The following LBR variants were observed in gnomAD, a reference collection of about 807,000 sequenced individuals.
LBR encodes the protein delta(14)-sterol reductase LBR.
Under a neutral mutation model 74.3 loss-of-function variants are expected in LBR, and 28 were observed. That is an observed-to-expected ratio of 0.38 (90% CI 0.28 to 0.52). LBR has a LOEUF of 0.52. Among genes scored for constraint, LBR ranks in the 20% least tolerant of loss-of-function variants. The pLI is 0.89. For synonymous variants in LBR, 228 were observed against 269.3 expected, an observed-to-expected ratio of 0.85 and a Z score of 1.50; for missense variants, 717 against 760.3, an observed-to-expected ratio of 0.94 and a Z score of 0.67.
At chr1:225,428,520 T>C (rs957090606), upstream of LBR, among the ~76,000 whole-genome samples, 1 of 152,098 alleles carries the variant, frequency 6.6e-6, no homozygotes, top group African/African-American at 2.4e-5. Context: ...GGTAAAACAC[T>C]ATGAGTGCCC....
chr1:225,404,206 A>C (rs1252238650), intron 13 of LBR, among the ~76,000 whole-genome samples, 198 bp downstream of exon 13: 1 of 152,172 alleles, frequency 6.6e-6, no homozygotes, highest in African/African-American at 2.4e-5. Context: ...TTTAGGCTTA[A>C]AGTAAAACTT....
chr1:225,419,398 G>A lies in LBR; in HGVS notation c.505C>T (p.Arg169Cys), dbSNP rs2230420. The A allele has an allele frequency of 6.9e-5, 112 of 1,613,682 alleles. No homozygotes were observed. The highest frequency in any genetic ancestry group is 4.7e-4 in the East Asian group (21 of 44,888). Residue 169 changes from arginine to cysteine, a missense_variant, in exon 5 of 14, where the codon CGT (arginine) becomes TGT (cysteine). Coordinates refer to ENST00000272163, the MANE Select transcript of LBR (RefSeq NM_002296.4). ...AATTTGACTTCTTCTCTTCTTGGAC[G>A]AAGGCTATACTGTGTTGCTATGTAA... ...SSYIATQYSL[R>C]PRREEVKLKE...
chr1:225,410,235 C>A, intron 10 of LBR, 56 bp downstream of exon 10: 1 of 1,610,232 alleles, frequency 6.2e-7, no homozygotes, highest in South Asian at 1.1e-5. Flanking sequence ...TCTGACAGGT[C>A]ACTCACCCAC....
At chr1:225,422,035 A>G in intron 3 of LBR, 42 bp downstream of exon 3, 1 of 1,567,840 alleles carries the variant, frequency 6.4e-7, no homozygotes, top group East Asian at 2.2e-5. Context: ...ATATATACAT[A>G]AAGCGGAAGA....
At chr1:225,409,354 C>A (rs777149496) in intron 10 of LBR, among the ~76,000 whole-genome samples, 1 of 152,150 alleles carries the variant, frequency 6.6e-6, no homozygotes, top group Non-Finnish European at 1.5e-5. Context: ...ATCAAACTTG[C>A]GAAGTTGTTC....
rs1260977060 is a variant in LBR at position 225,416,212 on chromosome 1, A to AG, written c.838-881_838-880insC. On this transcript the variant is annotated intron_variant, in intron 6 of 13. Transcript: ENST00000272163. ...ACCCTGTCTCAAGAAAAAAAAAAAA[A>AG]AAGAGAGAGAGAGAGAGAGACTGTG... 1.8e-3 allele frequency among the ~76,000 whole-genome samples: 257 copies of AG among 140,916 alleles called. 3 individuals are homozygous for AG. The highest frequency in any genetic ancestry group is 0.017 in the East Asian group (88 of 5,038). The allele number at this position is 140,916 out of a possible 152,430, so 92.4% of individuals were successfully genotyped here.
intron 8 of LBR, among the ~76,000 whole-genome samples, chr1:225,411,747 T>G (rs538165653): frequency 6.6e-6 from 1 of 152,370 alleles, no homozygotes; most frequent in African/African-American, 2.4e-5. Flanking sequence ...TAGGCGACAT[T>G]TTTTTATATT....
At chr1:225,427,225 A>G (rs1313732852) in intron 1 of LBR, 1 of 152,270 alleles carries the variant, frequency 6.6e-6, no homozygotes, top group Non-Finnish European at 1.5e-5. Context: ...CCTTGAGGCT[A>G]CTGGCAGTGC....
rs138731836 is a variant in LBR at position 225,412,481 on chromosome 1, G to A, written c.1057C>T (p.Arg353Trp). The change falls in exon 8 of 14, where the codon CGG becomes TGG. Residue 353 changes from arginine to tryptophan, a missense_variant. Coordinates refer to ENST00000272163, the MANE Select transcript of LBR (RefSeq NM_002296.4). ...GAGCTGGCAGGCGACAGGTCATTCC[G>A]GGGCGCTTTCAAAGAGCGCATGTAG... ...YLYMRSLKAP[R>W]NDLSPASSGN... The A allele has an allele frequency of 8.7e-5, 141 of 1,613,964 alleles. No homozygotes were observed. In the African/African-American group the frequency reaches 1.4e-3, roughly 16 times the overall value.
rs1158236077 is a variant in LBR, at chr1:225,404,538, TA to T, written c.1565-13del. 1.3e-6 allele frequency: 2 copies of T among 1,588,672 alleles called. No homozygotes were observed. The highest frequency in any genetic ancestry group is 1.7e-6 in the Non-Finnish European group (2 of 1,165,164). On this transcript the variant is annotated splice_polypyrimidine_tract_variant and intron_variant, in intron 12 of 13. Transcript: ENST00000272163. ...AATGGTTTTTAAATCTATATAAAAA[TA>T]AAAGTACATTTTTAATGATGTCGAG...
chr1:225,422,638 A>G (rs1183221512), intron 2 of LBR, among the ~76,000 whole-genome samples: 1 of 152,120 alleles, frequency 6.6e-6, no homozygotes, highest in Non-Finnish European at 1.5e-5. Context: ...ACAGACCAAA[A>G]AAAAAAAAAC....
chr1:225,408,250 CT>C (rs1455012075), intron 10 of LBR, among the ~76,000 whole-genome samples: 6 of 152,176 alleles, frequency 3.9e-5, no homozygotes, highest in African/African-American at 1.4e-4. Flanking sequence ...ATGACATCAA[CT>C]TTTTTAGCGC....
At chr1:225,414,384 C>T (rs765024839) in intron 7 of LBR, among the ~76,000 whole-genome samples, 7 of 152,192 alleles carry the variant, frequency 4.6e-5, no homozygotes, top group Non-Finnish European at 8.8e-5. Flanking sequence ...CATTACAATA[C>T]ATAATGTAAT....
At chr1:225,411,532 T>G in intron 8 of LBR, 92 bp from the exon 9 acceptor site, 2 of 891,004 alleles carry the variant, frequency 2.2e-6, no homozygotes, top group Non-Finnish European at 3.8e-6. Flanking sequence ...AGGCTCACAA[T>G]TCCACTGCCT....
chr1:225,425,200 C>A (rs759061023), intron 1 of LBR, among the ~76,000 whole-genome samples: 2 of 152,012 alleles, frequency 1.3e-5, no homozygotes, highest in Non-Finnish European at 1.5e-5. Context: ...GAATTACCTA[C>A]CCCAAGGGAG....
intron 6 of LBR, among the ~76,000 whole-genome samples, chr1:225,417,288 C>T (rs968576379): frequency 2.0e-5 from 3 of 152,134 alleles, no homozygotes; most frequent in Non-Finnish European, 4.4e-5. Flanking sequence ...AGTTGGCAAA[C>T]TTGCAAAGCC....
chr1:225,406,072 C>T (rs1440530613), intron 11 of LBR, among the ~76,000 whole-genome samples: 1 of 152,192 alleles, frequency 6.6e-6, no homozygotes. Context: ...CCTCATCTCA[C>T]ACTTCCCCAC....
At chr1:225,423,655 G>C (rs2150959772) in intron 2 of LBR, among the ~76,000 whole-genome samples, 1 of 152,306 alleles carries the variant, frequency 6.6e-6, no homozygotes. Context: ...GCAAACTCCA[G>C]ACACAGAACG....
chr1:225,411,697 G>C (rs1286994360), intron 8 of LBR, among the ~76,000 whole-genome samples: 1 of 152,214 alleles, frequency 6.6e-6, no homozygotes, highest in African/African-American at 2.4e-5. Context: ...CAAAATCATG[G>C]GGGCCCCCCC....
Sources: allele counts gnomAD v4.1 joint callset (sites outside exome capture counted in the v4.1 genomes callset), GRCh38; gene constraint gnomAD v4.1.1; transcripts MANE v1.5; gene names NCBI Gene and HGNC (gene_info 2026-07-23, HGNC 2026-07-21).